TMEM232: variants seen among roughly 807,000 people sequenced by gnomAD.
The protein encoded by TMEM232 is transmembrane protein 232.
TMEM232 carries 80 observed loss-of-function variants against 78.8 expected under a neutral mutation model. The observed-to-expected ratio is 1.01, with a 90% CI of 0.85 to 1.22. The LOEUF is 1.22. Among genes scored for constraint, TMEM232 ranks in the 50% most tolerant of loss-of-function variants. The pLI is 0.00. For missense variants in TMEM232, 881 were observed against 742.2 expected (o/e 1.19, Z -2.17); for synonymous variants, 297 against 254.3 (o/e 1.17, Z -1.60).
At chr5:110,474,491 T>C (rs555914980) in intron 12 of TMEM232, among the ~76,000 whole-genome samples, 1 of 152,036 alleles carries the variant, frequency 6.6e-6, no homozygotes, top group South Asian at 2.1e-4. Context: ...ACCCATGATA[T>C]TGGGAATGAT....
At chr5:110,676,934 AT>A (rs1186565611) in intron 1 of TMEM232, among the ~76,000 whole-genome samples, 1 of 151,328 alleles carries the variant, frequency 6.6e-6, no homozygotes, top group East Asian at 1.9e-4. Flanking sequence ...AATATTTTGT[AT>A]TTTTTAGTAG....
At chr5:110,634,027 AAAGC>A in intron 5 of TMEM232, among the ~76,000 whole-genome samples, 1 of 152,312 alleles carries the variant, frequency 6.6e-6, no homozygotes, top group South Asian at 2.1e-4. Flanking sequence ...ATTGAAATCA[AAAGC>A]AAGTAGGAGT....
At chr5:110,524,411 GAAAGAAAA>G (rs1770201751) in intron 12 of TMEM232, among the ~76,000 whole-genome samples, 1 of 61,426 alleles carries the variant, frequency 1.6e-5, no homozygotes, top group African/African-American at 5.2e-5. Context: ...AAGAAAGAAA[GAAAGAAAA>G]GAAAAGAAAA....
intron 11 of TMEM232, among the ~76,000 whole-genome samples, chr5:110,552,619 A>C (rs1466352050): frequency 6.6e-6 from 1 of 152,166 alleles, no homozygotes; most frequent in Non-Finnish European, 1.5e-5. Context: ...TTAATATAAG[A>C]AGCATTGGTA....
At chr5:110,672,075 A>C (rs1414901685) in intron 1 of TMEM232, among the ~76,000 whole-genome samples, 1 of 152,196 alleles carries the variant, frequency 6.6e-6, no homozygotes, top group African/African-American at 2.4e-5. Flanking sequence ...TTGAAGGCTA[A>C]AACTGGTTTT....
intron 10 of TMEM232, among the ~76,000 whole-genome samples, chr5:110,581,796 TAAAC>T (rs1778236439): frequency 1.3e-5 from 2 of 150,724 alleles, no homozygotes; most frequent in Admixed American, 6.6e-5. Flanking sequence ...ATAAGGAACT[TAAAC>T]AAATTAAAAA....
At chr5:110,720,961 G>A (rs1465218440) in intron 1 of TMEM232, 2 of 152,092 alleles carry the variant, frequency 1.3e-5, no homozygotes, top group African/African-American at 4.8e-5. Flanking sequence ...GAGATATAGT[G>A]AGATGAACAT....
chr5:110,646,102 T>A (rs1028343961), intron 2 of TMEM232, among the ~76,000 whole-genome samples: 1 of 151,600 alleles, frequency 6.6e-6, no homozygotes, highest in Non-Finnish European at 1.5e-5. Context: ...AAAGAAGACA[T>A]AGAAAGACAT....
chr5:110,537,293 T>TATA (rs1419509514), intron 11 of TMEM232, among the ~76,000 whole-genome samples: 40 of 123,990 alleles, frequency 3.2e-4, no homozygotes, highest in African/African-American at 2.2e-4. Context: ...ATATATATAT[T>TATA]TTTTTTTTTC....
chr5:110,676,404 T>G (rs953910251), intron 1 of TMEM232, among the ~76,000 whole-genome samples: 6 of 151,126 alleles, frequency 4.0e-5, no homozygotes, highest in African/African-American at 1.5e-4. Context: ...CCCTTTTCTT[T>G]TTTTTTTTTT....
At chr5:110,643,730 AT>A (rs1461267474) in intron 2 of TMEM232, among the ~76,000 whole-genome samples, 1 of 152,044 alleles carries the variant, frequency 6.6e-6, no homozygotes, top group Non-Finnish European at 1.5e-5. Flanking sequence ...AAATAAAAAA[AT>A]GAATAGAAAT....
chr5:110,649,560 T>C (rs892498028), intron 2 of TMEM232, among the ~76,000 whole-genome samples: 19 of 152,240 alleles, frequency 1.2e-4, no homozygotes, highest in South Asian at 8.3e-4. Context: ...TAGTAAAGCA[T>C]ATACTAGTAA....
At chr5:110,415,262 A>C (rs1263286930), downstream of TMEM232, among the ~76,000 whole-genome samples, 2 of 149,246 alleles carry the variant, frequency 1.3e-5, no homozygotes, top group African/African-American at 5.0e-5. Context: ...ATCTCGGTTC[A>C]CTGCAAGCTC....
chr5:110,731,243 C>T (rs144855629), upstream of TMEM232, among the ~76,000 whole-genome samples: 1 of 152,218 alleles, frequency 6.6e-6, no homozygotes, highest in Admixed American at 6.5e-5. Flanking sequence ...TCCCTCCTGG[C>T]TGCTTTCATG....
intron 12 of TMEM232, among the ~76,000 whole-genome samples, chr5:110,500,233 G>A (rs1766101491): frequency 7.0e-6 from 1 of 143,372 alleles, no homozygotes; most frequent in Non-Finnish European, 1.5e-5. Context: ...AGGTTGCAGT[G>A]AGCCGAGACT....
At position 110,526,321 on chromosome 5, in the gene TMEM232, CAGAG is replaced by C. The variant is rs893047981; in HGVS notation, c.1703+2263_1703+2266del. Among the ~76,000 whole-genome samples, 3 of 150,744 alleles carry C rather than the reference CAGAG, an allele frequency of 2.0e-5. No individual in the cohort carries two copies. The South Asian group carries it at 6.2e-4, about 31-fold the overall frequency. On this transcript the variant is annotated intron_variant, in intron 12 of 13. Coordinates refer to ENST00000455884, the MANE Select transcript of TMEM232 (RefSeq NM_001039763.4). ...AAGTATTTGTAGCTCTTACCATAGACAGAGAGTCGCATAGATTAATAGATATATA... is the reference window on the plus strand; with the variant it reads ...AAGTATTTGTAGCTCTTACCATAGACAGTCGCATAGATTAATAGATATATA...
At chr5:110,534,530 C>G (rs1160893748) in intron 11 of TMEM232, among the ~76,000 whole-genome samples, 1 of 152,130 alleles carries the variant, frequency 6.6e-6, no homozygotes, top group African/African-American at 2.4e-5. Flanking sequence ...TTCCAGACAC[C>G]AGACCAACTT....
chr5:110,629,084 C>A (rs1056794956), intron 5 of TMEM232: 1 of 151,548 alleles, frequency 6.6e-6, no homozygotes. Flanking sequence ...CTCTAAGAGA[C>A]CGAAGTTAAA....
chr5:110,591,333 C>T (rs1156316671), intron 10 of TMEM232, among the ~76,000 whole-genome samples: 1 of 152,098 alleles, frequency 6.6e-6, no homozygotes, highest in African/African-American at 2.4e-5. Context: ...TGGCACACAC[C>T]TGTAATCCCA....
Sources: gnomAD v4.1 joint callset for allele counts (sites outside exome capture counted in the v4.1 genomes callset) on GRCh38, gnomAD v4.1.1 for gene constraint, MANE v1.5 for transcripts, NCBI Gene and HGNC (gene_info 2026-07-23, HGNC 2026-07-21) for gene names.